MAPKAP1: variants seen among roughly 807,000 people sequenced by gnomAD.
The protein encoded by MAPKAP1 is target of rapamycin complex 2 subunit MAPKAP1.
A neutral mutation model predicts 65.7 loss-of-function variants in MAPKAP1; 20 were observed. The ratio of observed to expected loss-of-function variants is 0.30; its 90% CI spans 0.21 to 0.44. MAPKAP1 has a LOEUF of 0.44. Among genes scored for constraint, MAPKAP1 ranks in the 20% least tolerant of loss-of-function variants. MAPKAP1 has a pLI of 1.00. For synonymous variants in MAPKAP1, 222 were observed against 244.3 expected (o/e 0.91, Z 0.85); for missense variants, 423 against 648.0 (o/e 0.65, Z 3.77).
chr9:125,507,446 C>G (rs563269387), intron 7 of MAPKAP1, among the ~76,000 whole-genome samples: 16 of 152,162 alleles, frequency 1.1e-4, no homozygotes, highest in Admixed American at 4.6e-4. Context: ...AGGCGGAACA[C>G]GTATTTTTAG....
In MAPKAP1 at chr9:125,664,724, C is replaced by CAAA. The variant is rs1199612669; in HGVS notation, c.349+5091_349+5093dup. On this transcript the variant is annotated intron_variant, in intron 3 of 11. Transcript: ENST00000265960. Reference sequence around the variant, plus strand: ...TGGGCAACAGAGCAAGACTCACTCTCAAAAAAAAAAAAAAAAGGAAAAGAA... The same window carrying CAAA: ...TGGGCAACAGAGCAAGACTCACTCTCAAAAAAAAAAAAAAAAAAAGGAAAAGAA... Among the ~76,000 whole-genome samples the CAAA allele has an allele frequency of 5.0e-5, 3 of 59,928 alleles. 1 individual carries two copies. The highest frequency in any genetic ancestry group is 5.3e-5 in the African/African-American group (1 of 18,778). 39.3% of individuals were successfully genotyped at this position (59,928 alleles called of 152,430 possible). A position where few individuals can be genotyped will look rare whatever the true frequency, so the allele number is the denominator to read the frequency against.
Position 125,512,109 on chromosome 9 carries a change from A to G in MAPKAP1, c.959-5692T>C, listed in dbSNP as rs1284571048. Among the ~76,000 whole-genome samples, 6 of 152,370 alleles carry G rather than the reference A, an allele frequency of 3.9e-5. No homozygotes were observed. In the East Asian group the frequency reaches 1.2e-3, roughly 29 times the overall value. ...TGTTGGTTGGTGGCTACATGCTCAG[A>G]GCAGCTTCCTCGATCCCTTTAACCC... is the stretch of plus-strand genomic sequence containing the variant. On this transcript the variant is annotated intron_variant, in intron 7 of 11. Coordinates refer to ENST00000265960, the MANE Select transcript of MAPKAP1 (RefSeq NM_001006617.3).
intron 4 of MAPKAP1, among the ~76,000 whole-genome samples, chr9:125,637,730 G>T (rs1267343829): frequency 6.6e-6 from 1 of 152,214 alleles, no homozygotes; most frequent in African/African-American, 2.4e-5. Flanking sequence ...GAGAAACGAT[G>T]TATTAAAGTA....
chr9:125,633,236 G>C (rs1216764025), intron 4 of MAPKAP1, among the ~76,000 whole-genome samples: 1 of 152,206 alleles, frequency 6.6e-6, no homozygotes, highest in Non-Finnish European at 1.5e-5. Flanking sequence ...CACAGGGAGA[G>C]TAGCCAAATC....
chr9:125,632,303 A>G (rs1223919171), intron 4 of MAPKAP1, among the ~76,000 whole-genome samples: 4 of 151,914 alleles, frequency 2.6e-5, no homozygotes, highest in African/African-American at 9.7e-5. Context: ...TAATTGTCTG[A>G]CTTCCCTACA....
At chr9:125,460,457 C>T (rs554946528) in intron 10 of MAPKAP1, among the ~76,000 whole-genome samples, 1 of 152,306 alleles carries the variant, frequency 6.6e-6, no homozygotes, top group Non-Finnish European at 1.5e-5. Context: ...CTCACTATCT[C>T]AGCACCAGCC....
chr9:125,691,640 T>C (rs1835173838), intron 1 of MAPKAP1, among the ~76,000 whole-genome samples: 1 of 151,360 alleles, frequency 6.6e-6, no homozygotes, highest in Admixed American at 6.6e-5. Context: ...GGAACAGCAA[T>C]AGTTAAAGGG....
chr9:125,568,842 A>C (rs1400224153), intron 5 of MAPKAP1: 1 of 174,784 alleles, frequency 5.7e-6, no homozygotes, highest in Non-Finnish European at 1.3e-5. Flanking sequence ...TGGCATGCTG[A>C]CAAAAGGGTA....
chr9:125,590,779 TA>T (rs1183139198), intron 4 of MAPKAP1, among the ~76,000 whole-genome samples: 1 of 152,038 alleles, frequency 6.6e-6, no homozygotes, highest in African/African-American at 2.4e-5. Context: ...GGTTCTATCA[TA>T]ACTTTTTTTT....
intron 4 of MAPKAP1, among the ~76,000 whole-genome samples, chr9:125,588,299 A>G (rs1342227338): frequency 1.3e-5 from 2 of 152,204 alleles, no homozygotes; most frequent in African/African-American, 2.4e-5. Context: ...AGGAAACCAG[A>G]CATGAAAGGC....
chr9:125,449,679 G>A lies in MAPKAP1; in HGVS notation c.1346-5081C>T, dbSNP rs58848387. On this transcript the variant is annotated intron_variant, in intron 10 of 11. Transcript: ENST00000265960. ...TGGCACAAATGTCAGAAGTGGAGAC[G>A]TCCAGCTTTTGTGCTTTAATTCATC... 8.8e-3 allele frequency among the ~76,000 whole-genome samples: 1,347 copies of A among 152,224 alleles called. 32 individuals carry two copies. In the East Asian group the frequency reaches 0.097, roughly 11 times the overall value.
At chr9:125,609,959 G>A (rs1013693000) in intron 4 of MAPKAP1, among the ~76,000 whole-genome samples, 2 of 152,166 alleles carry the variant, frequency 1.3e-5, no homozygotes, top group Non-Finnish European at 2.9e-5. Flanking sequence ...GCTAAGAGGT[G>A]AAAGAAATTG....
chr9:125,608,579 A>T (rs541743281), intron 4 of MAPKAP1, among the ~76,000 whole-genome samples: 1 of 152,346 alleles, frequency 6.6e-6, no homozygotes, highest in African/African-American at 2.4e-5. Flanking sequence ...AAGTGGAGAC[A>T]TCAGCATTTC....
At chr9:125,526,462 T>C (rs1589258388) in intron 7 of MAPKAP1, among the ~76,000 whole-genome samples, 1 of 152,232 alleles carries the variant, frequency 6.6e-6, no homozygotes. Context: ...ACGGAAAATA[T>C]GGGTCACAGA....
intron 10 of MAPKAP1, among the ~76,000 whole-genome samples, chr9:125,463,391 T>G (rs1853569152): frequency 6.6e-6 from 1 of 152,264 alleles, no homozygotes; most frequent in Non-Finnish European, 1.5e-5. Flanking sequence ...TAAATCAATG[T>G]GGACAAATCA....
chr9:125,601,297 T>C (rs1034179508), intron 4 of MAPKAP1, among the ~76,000 whole-genome samples: 6 of 152,144 alleles, frequency 3.9e-5, no homozygotes, highest in Non-Finnish European at 8.8e-5. Flanking sequence ...GCATAAATAT[T>C]GAAGGAAATA....
At chr9:125,466,703 C>G (rs555199440) in intron 10 of MAPKAP1, among the ~76,000 whole-genome samples, 2 of 152,122 alleles carry the variant, frequency 1.3e-5, no homozygotes, top group South Asian at 4.1e-4. Context: ...TTTGCAGGGT[C>G]GGAGGCCTCG....
rs981476035 is a variant in MAPKAP1, at chr9:125,518,923, C to T, written c.959-12506G>A. 3.3e-5 allele frequency among the ~76,000 whole-genome samples: 5 copies of T among 152,314 alleles called. No homozygotes were observed. The South Asian group carries it at 8.3e-4, about 25-fold the overall frequency. On this transcript the variant is annotated intron_variant, in intron 7 of 11. Coordinates refer to ENST00000265960, the MANE Select transcript of MAPKAP1 (RefSeq NM_001006617.3). The stretch of plus-strand genomic sequence containing the variant: ...AACCTGTGGGGTAGAGGAAGGTATA[C>T]CAGCAAAGAAGATGGCTTTTGATTT...
intron 10 of MAPKAP1, among the ~76,000 whole-genome samples, chr9:125,455,658 T>C (rs561237883): frequency 6.6e-6 from 1 of 152,362 alleles, no homozygotes; most frequent in East Asian, 1.9e-4. Context: ...AAAATTAGTG[T>C]TCTGTATCAT....
Sources: allele counts gnomAD v4.1 joint callset (sites outside exome capture counted in the v4.1 genomes callset), GRCh38; gene constraint gnomAD v4.1.1; transcripts MANE v1.5; gene names NCBI Gene and HGNC (gene_info 2026-07-23, HGNC 2026-07-21).